Variants in RGSL1 observed in about 807,000 individuals in gnomAD.
The protein encoded by RGSL1 is regulator of G protein signaling like 1.
A neutral mutation model predicts 124.7 loss-of-function variants in RGSL1; 97 were observed. That is an observed-to-expected ratio of 0.78 (90% CI 0.66 to 0.92). The LOEUF (loss-of-function observed/expected upper bound fraction) is 0.92, where lower values mean the gene tolerates loss of function less well. RGSL1 is among the 40% of genes least tolerant of loss of function. RGSL1 has a pLI of 0.00. For missense variants in RGSL1, 1,233 were observed against 1,288.4 expected (o/e 0.96, Z 0.66); for synonymous variants, 424 against 438.1 (o/e 0.97, Z 0.40).
intron 6 of RGSL1, among the ~76,000 whole-genome samples, chr1:182,476,576 A>C (rs1200900832): frequency 6.6e-6 from 1 of 152,180 alleles, no homozygotes; most frequent in African/African-American, 2.4e-5. Context: ...CTTGCCCCTC[A>C]TCAACTCATT....
intron 6 of RGSL1, among the ~76,000 whole-genome samples, chr1:182,487,882 C>T (rs895716879): frequency 6.6e-6 from 1 of 152,212 alleles, no homozygotes; most frequent in African/African-American, 2.4e-5. Flanking sequence ...ATGTTATTCA[C>T]AAAAGGGTAA....
In RGSL1 at chr1:182,533,659, C is replaced by CT. The variant is rs370265632; in HGVS notation, c.2494+869dup. On this transcript the variant is annotated intron_variant, in intron 14 of 21. Coordinates refer to ENST00000294854, the MANE Select transcript of RGSL1 (RefSeq NM_001137669.2). The stretch of plus-strand genomic sequence containing the variant: ...GAAAATTACTTTGTATCTCCATTTT[C>CT]TCATCTATAGAATGGGAATGAGAAT... 7.7e-4 allele frequency among the ~76,000 whole-genome samples: 117 copies of CT among 152,284 alleles called. 1 individual carries two copies. The highest frequency in any genetic ancestry group is 2.7e-3 in the African/African-American group (113 of 41,558).
intron 10 of RGSL1, 52 bp from the exon 11 acceptor site, chr1:182,527,527 T>G: frequency 6.9e-7 from 1 of 1,445,140 alleles, no homozygotes; most frequent in Non-Finnish European, 9.3e-7. Context: ...TGAAACAGAA[T>G]CCAGAATCAT....
At chr1:182,553,697 G>C (rs911050271) in intron 19 of RGSL1, among the ~76,000 whole-genome samples, 156 bp downstream of exon 19, 1 of 152,174 alleles carries the variant, frequency 6.6e-6, no homozygotes, top group Non-Finnish European at 1.5e-5. Context: ...GAGTGGCAGA[G>C]AGGAGGTGAA....
chr1:182,518,348 G>A (rs1472072914), intron 9 of RGSL1, among the ~76,000 whole-genome samples: 2 of 152,152 alleles, frequency 1.3e-5, no homozygotes, highest in Non-Finnish European at 2.9e-5. Context: ...CTTCCCAAAC[G>A]GAGGGGATCT....
intron 21 of RGSL1, among the ~76,000 whole-genome samples, chr1:182,556,994 G>A (rs1049469525): frequency 1.1e-4 from 17 of 152,184 alleles, no homozygotes; most frequent in Admixed American, 2.6e-4. Flanking sequence ...CTGCTGTGCC[G>A]AAGTTTTTTA....
intron 15 of RGSL1, among the ~76,000 whole-genome samples, chr1:182,547,752 T>G (rs1013537966): frequency 3.3e-5 from 5 of 151,978 alleles, no homozygotes; most frequent in African/African-American, 1.2e-4. Flanking sequence ...TCCCAGCTAC[T>G]CAGGAGGCTG....
intron 9 of RGSL1, among the ~76,000 whole-genome samples, chr1:182,516,063 A>G (rs762512305): frequency 6.6e-6 from 1 of 152,222 alleles, no homozygotes; most frequent in Non-Finnish European, 1.5e-5. Flanking sequence ...GATGGAGTTC[A>G]GTCTTGGGGT....
intron 10 of RGSL1, among the ~76,000 whole-genome samples, chr1:182,524,006 G>A (rs1252844589): frequency 6.6e-6 from 1 of 152,122 alleles, no homozygotes; most frequent in Admixed American, 6.5e-5. Context: ...CTACTCAAAG[G>A]CGAAGATACA....
intron 14 of RGSL1, among the ~76,000 whole-genome samples, chr1:182,533,675 G>A (rs531278131): frequency 6.6e-6 from 1 of 152,286 alleles, no homozygotes; most frequent in South Asian, 2.1e-4. Flanking sequence ...TATAGAATGG[G>A]AATGAGAATT....
At chr1:182,518,226 G>A (rs1658046478) in intron 9 of RGSL1, among the ~76,000 whole-genome samples, 1 of 152,072 alleles carries the variant, frequency 6.6e-6, no homozygotes, top group Admixed American at 6.6e-5. Context: ...TAGAGATGAT[G>A]TCTCACCATG....
intron 9 of RGSL1, among the ~76,000 whole-genome samples, chr1:182,504,095 C>G (rs994249734): frequency 1.3e-5 from 2 of 151,592 alleles, no homozygotes; most frequent in Non-Finnish European, 2.9e-5. Context: ...ATTCCCCTGC[C>G]TCAGCCTCCT....
intron 11 of RGSL1, among the ~76,000 whole-genome samples, chr1:182,529,856 C>A (rs937356135): frequency 2.6e-5 from 4 of 152,074 alleles, no homozygotes; most frequent in Admixed American, 2.0e-4. Flanking sequence ...ACAAACTGCC[C>A]TCACAATACT....
At chr1:182,507,579 GATA>G (rs1474491730) in intron 9 of RGSL1, among the ~76,000 whole-genome samples, 1 of 152,108 alleles carries the variant, frequency 6.6e-6, no homozygotes, top group East Asian at 1.9e-4. Context: ...TTTGTGGCTG[GATA>G]ATATTCCATT....
intron 8 of RGSL1, among the ~76,000 whole-genome samples, chr1:182,491,353 T>C (rs2102104846): frequency 6.6e-6 from 1 of 152,092 alleles, no homozygotes; most frequent in East Asian, 1.9e-4. Flanking sequence ...GTAGCTGGGA[T>C]TACAGGCACC....
chr1:182,476,231 G>T (rs369426911), intron 6 of RGSL1, among the ~76,000 whole-genome samples: 5 of 152,136 alleles, frequency 3.3e-5, no homozygotes. Flanking sequence ...GCCATTTTAC[G>T]ACAGAGATTC....
chr1:182,472,478 C>T lies in RGSL1; in HGVS notation c.384C>T (p.Tyr128=), dbSNP rs1653927023. The T allele has an allele frequency of 5.2e-6, 8 of 1,551,104 alleles. 1 individual carries two copies. The highest frequency in any genetic ancestry group is 8.7e-7 in the Non-Finnish European group (1 of 1,146,564). The change falls in exon 5 of 22, where the codon TAC becomes TAT. Residue 128 remains tyrosine (Y), a synonymous_variant. Transcript: ENST00000294854. The stretch of plus-strand genomic sequence containing the variant: ...TGGACCTGGAAGTGAGAGACTACTA[C>T]CTGTCCCTCCTCCTCATGCTGAGGG... The part of the protein sequence containing the change: ...DEMDLEVRDY[Y]LSLLLMLRAT...
intron 12 of RGSL1, 38 bp downstream of exon 12, chr1:182,530,399 G>A: frequency 6.7e-7 from 1 of 1,491,696 alleles, no homozygotes; most frequent in South Asian, 1.2e-5. Flanking sequence ...TCTTCCTGGA[G>A]TTGCTCCTTG....
At chr1:182,474,631 G>A (rs562637482) in intron 6 of RGSL1, 89 bp downstream of exon 6, 206 of 1,431,486 alleles carry the variant, frequency 1.4e-4, no homozygotes, top group Admixed American at 2.2e-4. Flanking sequence ...TACTGGCTAA[G>A]TGACTATATA....
Sources: allele counts gnomAD v4.1 joint callset (sites outside exome capture counted in the v4.1 genomes callset), GRCh38; gene constraint gnomAD v4.1.1; transcripts MANE v1.5; gene names NCBI Gene and HGNC (gene_info 2026-07-23, HGNC 2026-07-21).